The following CD8B2 variants were observed in gnomAD, a reference collection of about 807,000 sequenced individuals.
The protein encoded by CD8B2 is CD8B family member 2, also known as T-cell surface glycoprotein CD8 beta-2 chain.
CD8B2 carries 11 observed loss-of-function variants against 23.7 expected under a neutral mutation model. The observed-to-expected ratio is 0.46, with a 90% CI of 0.29 to 0.77. CD8B2 has a LOEUF of 0.77. CD8B2 is among the 30% of genes least tolerant of loss of function. The pLI is 0.09. For missense variants in CD8B2, 197 were observed against 270.5 expected (o/e 0.73, Z 1.91); for synonymous variants, 90 against 109.3 (o/e 0.82, Z 1.10).
At chr2:106,538,316 T>G (rs1209894955) in intron 5 of CD8B2, among the ~76,000 whole-genome samples, 4 of 152,306 alleles carry the variant, frequency 2.6e-5, no homozygotes, top group African/African-American at 9.6e-5. Context: ...CTTCAGCCTA[T>G]GTAGGCTATG....
At chr2:106,521,294 G>C (rs1679822472) in intron 5 of CD8B2, among the ~76,000 whole-genome samples, 1 of 152,142 alleles carries the variant, frequency 6.6e-6, no homozygotes, top group Non-Finnish European at 1.5e-5. Context: ...TGCACAAGTG[G>C]CTGGCAAAGA....
chr2:106,493,104 G>A (rs1679224711), intron 2 of CD8B2, among the ~76,000 whole-genome samples: 1 of 152,098 alleles, frequency 6.6e-6, no homozygotes, highest in Non-Finnish European at 1.5e-5. Flanking sequence ...CTACAGGAAT[G>A]TCAATGCCTC....
At chr2:106,539,037 CTGACTCTACCTGG>C (rs1285967736) in intron 5 of CD8B2, among the ~76,000 whole-genome samples, 2 of 152,302 alleles carry the variant, frequency 1.3e-5, no homozygotes, top group African/African-American at 4.8e-5. Flanking sequence ...GGCTGAACTT[CTGACTCTACCTGG>C]TCACAGCGCA....
intron 1 of CD8B2, among the ~76,000 whole-genome samples, chr2:106,490,398 A>G (rs561438568): frequency 6.6e-6 from 1 of 152,244 alleles, no homozygotes; most frequent in South Asian, 2.1e-4. Flanking sequence ...GTGGTGGTAC[A>G]TGCCTATAGT....
At chr2:106,539,070 G>C (rs1474890170) in intron 5 of CD8B2, among the ~76,000 whole-genome samples, 1 of 152,226 alleles carries the variant, frequency 6.6e-6, no homozygotes, top group Non-Finnish European at 1.5e-5. Flanking sequence ...AAGTGAACAC[G>C]TGTTCACTTA....
chr2:106,541,231 G>A (rs532395756), intron 5 of CD8B2, among the ~76,000 whole-genome samples: 15 of 152,262 alleles, frequency 9.9e-5, no homozygotes, highest in East Asian at 1.9e-4. Context: ...ATCCCTCTCC[G>A]TCATTCATGC....
At position 106,491,182 on chromosome 2, in the gene CD8B2, A is replaced by T; in HGVS notation, c.352A>T (p.Ile118Phe). 6.2e-7 allele frequency: 1 copy of T among 1,613,632 alleles called. No homozygotes were observed. Among genetic ancestry groups the T allele is most frequent in the East Asian group, 2.2e-5 (1 of 44,882 alleles). Residue 118 changes from isoleucine to phenylalanine, a missense_variant, in exon 2 of 6, where the codon ATC becomes TTC. Ile to Phe is a conservative substitution (Grantham distance 21). Around this residue, in one of 3 missense-constraint regions of CD8B2, gnomAD observed 140 missense variants for 164.2 expected, o/e 0.85. Transcript: ENST00000643224. ...PEDSGIYFCM[I>F]VGSPELTFGK... The stretch of plus-strand genomic sequence containing the variant: ...GGACAGTGGCATCTACTTCTGCATG[A>T]TCGTCGGGAGCCCCGAGCTGACCTT...
intron 5 of CD8B2, among the ~76,000 whole-genome samples, chr2:106,518,112 C>A (rs1337174012): frequency 6.6e-6 from 1 of 152,228 alleles, no homozygotes; most frequent in Non-Finnish European, 1.5e-5. Flanking sequence ...CCTGCTATTT[C>A]ATACCCAGCC....
At chr2:106,528,518 A>G (rs993874207) in intron 5 of CD8B2, among the ~76,000 whole-genome samples, 1 of 152,230 alleles carries the variant, frequency 6.6e-6, no homozygotes, top group African/African-American at 2.4e-5. Flanking sequence ...TTGAAAAGAA[A>G]TGTATATCCT....
Position 106,537,297 on chromosome 2 carries a change from C to T in CD8B2, c.621-6695C>T, listed in dbSNP as rs188705401. 2.0e-5 allele frequency among the ~76,000 whole-genome samples: 3 copies of T among 152,024 alleles called. No homozygotes were observed. The East Asian group carries it at 5.8e-4, about 29-fold the overall frequency. Reference sequence around the variant, plus strand: ...ACAAGGTCATCAGATGATGTCATACCCTGGAGACAACTTTCATTTCCCTAA... The same window carrying T: ...ACAAGGTCATCAGATGATGTCATACTCTGGAGACAACTTTCATTTCCCTAA... On this transcript the variant is annotated intron_variant, in intron 5 of 5. Coordinates refer to the CD8B2 transcript ENST00000416057.
At chr2:106,518,632 C>T (rs779653881) in intron 5 of CD8B2, among the ~76,000 whole-genome samples, 19 of 152,160 alleles carry the variant, frequency 1.2e-4, no homozygotes, top group Non-Finnish European at 2.1e-4. Context: ...TCATCTCTCC[C>T]TGTCCTCATC....
intron 3 of CD8B2, among the ~76,000 whole-genome samples, chr2:106,497,386 A>T (rs1431083694): frequency 3.3e-5 from 5 of 152,224 alleles, no homozygotes; most frequent in African/African-American, 1.2e-4. Context: ...ATGCTCCACC[A>T]GACACCTCAG....
chr2:106,541,649 T>G (rs940679435), intron 5 of CD8B2, among the ~76,000 whole-genome samples: 1 of 152,148 alleles, frequency 6.6e-6, no homozygotes, highest in African/African-American at 2.4e-5. Flanking sequence ...ATTAATGAAA[T>G]AGAGACCATA....
chr2:106,506,434 T>G (rs887347434), intron 5 of CD8B2, among the ~76,000 whole-genome samples: 1 of 152,156 alleles, frequency 6.6e-6, no homozygotes, highest in African/African-American at 2.4e-5. Context: ...GGGTTTACAC[T>G]TACCTGTAAC....
At chr2:106,531,730 C>T (rs1451171138) in intron 5 of CD8B2, among the ~76,000 whole-genome samples, 1 of 152,170 alleles carries the variant, frequency 6.6e-6, no homozygotes, top group Non-Finnish European at 1.5e-5. Context: ...CATGGGCATT[C>T]CAGTCCAGTG....
At chr2:106,526,274 A>G (rs997263725) in intron 5 of CD8B2, among the ~76,000 whole-genome samples, 1 of 152,188 alleles carries the variant, frequency 6.6e-6, no homozygotes, top group East Asian at 1.9e-4. Flanking sequence ...CTTTATGAAT[A>G]CAACTCACAT....
In CD8B2 at chr2:106,508,323, A is replaced by G. The variant is rs572944033; in HGVS notation, c.*1383A>G. On this transcript the variant is annotated 3_prime_UTR_variant, in exon 6 of 6. Transcript: ENST00000643224. ...TTCAGTTACCTGTGACAACCACAGA[A>G]TGTAAGAAATGTTACAAAAAAAACA... 6.6e-6 allele frequency: 1 copy of G among 151,968 alleles called. No individual in the cohort carries two copies. Among genetic ancestry groups the G allele is most frequent in the East Asian group, 1.9e-4 (1 of 5,142 alleles). 9.4% of individuals were successfully genotyped at this position (151,968 alleles called of 1,614,324 possible). A position where few individuals can be genotyped will look rare whatever the true frequency, so the allele number is the denominator to read the frequency against.
chr2:106,493,501 C>G (rs1679235292), intron 2 of CD8B2, among the ~76,000 whole-genome samples: 1 of 151,788 alleles, frequency 6.6e-6, no homozygotes, highest in Non-Finnish European at 1.5e-5. Flanking sequence ...CACTGACCAT[C>G]TGAAAGACGT....
intron 3 of CD8B2, among the ~76,000 whole-genome samples, chr2:106,501,821 A>G (rs1398708561): frequency 1.3e-5 from 2 of 152,238 alleles, no homozygotes; most frequent in Non-Finnish European, 2.9e-5. Context: ...CTCTAATCCT[A>G]TATTTAAATG....
Sources: allele counts gnomAD v4.1 joint callset (sites outside exome capture counted in the v4.1 genomes callset), GRCh38; gene constraint gnomAD v4.1.1; regional missense constraint gnomAD v4.1.1; transcripts MANE v1.5; gene names NCBI Gene and HGNC (gene_info 2026-07-23, HGNC 2026-07-21).